The following S100A13 variants were observed in gnomAD, a reference collection of about 807,000 sequenced individuals.
S100A13 encodes the protein protein S100-A13.
In S100A13, 6 loss-of-function variants were observed where a neutral mutation model predicts 8.2. That is an observed-to-expected ratio of 0.73 (90% confidence interval 0.40 to 1.44). S100A13 has a LOEUF of 1.44. Ranked by LOEUF, S100A13 falls within the 40% of genes most tolerant of loss-of-function variation. S100A13 has a pLI of 0.02. For synonymous variants in S100A13, 39 were observed against 45.9 expected, an observed-to-expected ratio of 0.85 and a Z score of 0.61; for missense variants, 114 against 113.6, an observed-to-expected ratio of 1.00 and a Z score of -0.02.
chr1:153,632,042 C>A (rs917754425), upstream of S100A13: 4 of 609,372 alleles, frequency 6.6e-6, no homozygotes, highest in Admixed American at 3.0e-5. Context: ...ACCAGCCATC[C>A]GATGTCTGTC....
upstream of S100A13, chr1:153,632,076 G>A: frequency 1.8e-6 from 1 of 552,630 alleles, no homozygotes; most frequent in Non-Finnish European, 3.2e-6. Context: ...GGAAGTGGGT[G>A]GAGACGTGAA....
At chr1:153,623,362 C>T (rs1433393551) in intron 2 of S100A13, among the ~76,000 whole-genome samples, 2 of 151,598 alleles carry the variant, frequency 1.3e-5, no homozygotes. Flanking sequence ...ATACAAGTTT[C>T]CTGATTGCTC....
chr1:153,626,190 AAC>A, intron 2 of S100A13, 128 bp downstream of exon 2: 2 of 809,318 alleles, frequency 2.5e-6, no homozygotes, highest in Non-Finnish European at 2.0e-6. Context: ...GAAAACCTGC[AAC>A]CATTGACACA....
upstream of S100A13, chr1:153,631,466 G>A (rs764419020): frequency 1.3e-6 from 2 of 1,583,748 alleles, no homozygotes; most frequent in Non-Finnish European, 1.7e-6. Context: ...TTTATTATAG[G>A]CACTGAACAT....
At chr1:153,623,902 G>T (rs79283719) in intron 2 of S100A13, among the ~76,000 whole-genome samples, 1 of 152,170 alleles carries the variant, frequency 6.6e-6, no homozygotes, top group African/African-American at 2.4e-5. Context: ...AGTTACTATA[G>T]GTGAAATGGT....
intron 2 of S100A13, among the ~76,000 whole-genome samples, chr1:153,623,608 C>T (rs1439410474): frequency 2.0e-5 from 3 of 152,094 alleles, no homozygotes; most frequent in Non-Finnish European, 2.9e-5. Flanking sequence ...CCAGGCTGGT[C>T]TCGAAGTCCT....
chr1:153,619,657 A>C (rs567532619), intron 2 of S100A13, among the ~76,000 whole-genome samples: 2 of 152,338 alleles, frequency 1.3e-5, no homozygotes, highest in East Asian at 3.9e-4. Context: ...AGTAAACTGG[A>C]TGTCCTGATC....
At chr1:153,630,640 C>A (rs367888712), upstream of S100A13, 1 of 1,614,186 alleles carries the variant, frequency 6.2e-7, no homozygotes, top group Non-Finnish European at 8.5e-7. Context: ...CTGCTGCAGA[C>A]GGAGCTCTCT....
At chr1:153,630,254 C>T (rs1482907471), upstream of S100A13, 3 of 504,608 alleles carry the variant, frequency 5.9e-6, no homozygotes, top group African/African-American at 1.9e-5. Flanking sequence ...GCTCCAACTG[C>T]TCTCTCTCCA....
chr1:153,629,544 C>A (rs2101629982), upstream of S100A13: 1 of 152,466 alleles, frequency 6.6e-6, no homozygotes, highest in East Asian at 1.9e-4. Context: ...GCTTGGCAGT[C>A]TTCTCTCTCA....
At position 153,619,020 on chromosome 1, in the gene S100A13, C is replaced by A. The variant is rs571898991; in HGVS notation, c.172G>T (p.Glu58Ter). 6.2e-7 allele frequency: 1 copy of A among 1,613,992 alleles called. No individual in the cohort carries two copies. The highest frequency in any genetic ancestry group is 1.3e-5 in the African/African-American group (1 of 75,042). Residue 58 changes from glutamate to a stop codon, truncating the protein, a stop_gained, in exon 3 of 3, where the codon GAG becomes TAG. Transcript: ENST00000476133. LOFTEE classifies it high-confidence loss of function. ...TTCACATCCAAGCTCTTCATCTTCT[C>A]ATCAAGAGAGCCCACATCCTGAGGA... Reference protein sequence around the residue: ...HLLKDVGSLDEKMKSLDVNQD... With the variant: ...HLLKDVGSLD
upstream of S100A13, chr1:153,631,989 G>A (rs1159660676): frequency 7.5e-6 from 6 of 798,266 alleles, no homozygotes; most frequent in East Asian, 5.5e-5. Context: ...CAAGAGTAGC[G>A]GTCCAAGCCT....
intron 2 of S100A13, among the ~76,000 whole-genome samples, chr1:153,621,721 C>T (rs1270370008): frequency 6.6e-6 from 1 of 151,576 alleles, no homozygotes; most frequent in Non-Finnish European, 1.5e-5. Context: ...AACCCCATCT[C>T]TACTAAAAAT....
upstream of S100A13, chr1:153,631,428 C>T (rs1277551436): frequency 2.0e-6 from 3 of 1,524,868 alleles, no homozygotes; most frequent in East Asian, 4.9e-5. Context: ...TTAGACAGTG[C>T]TTGTAAAGCT....
upstream of S100A13, chr1:153,630,645 C>T (rs1187806207): frequency 1.2e-6 from 2 of 1,614,202 alleles, no homozygotes; most frequent in Admixed American, 3.3e-5. Context: ...GCAGACGGAG[C>T]TCTCTGGCTT....
At chr1:153,633,576 G>A (rs192964438), upstream of S100A13, among the ~76,000 whole-genome samples, 529 of 152,302 alleles carry the variant, frequency 3.5e-3, 1 homozygote, top group South Asian at 8.3e-3. Context: ...CAGGATGGGA[G>A]AGGAATTTGC....
At chr1:153,626,650 G>A (rs1667656915) in intron 1 of S100A13, 117 bp from the exon 2 acceptor site, 1 of 571,958 alleles carries the variant, frequency 1.7e-6, no homozygotes, top group Non-Finnish European at 3.1e-6. Context: ...GGGGGCATAT[G>A]GGGAAAGAGG....
chr1:153,628,332 G>A, upstream of S100A13: 28 of 1,526,098 alleles, frequency 1.8e-5, 1 homozygote, highest in South Asian at 3.1e-4. Flanking sequence ...TCTGCTCCTG[G>A]CCCCTTGCCC....
At chr1:153,632,821 T>C (rs796945788), upstream of S100A13, among the ~76,000 whole-genome samples, 7 of 152,260 alleles carry the variant, frequency 4.6e-5, no homozygotes, top group East Asian at 3.9e-4. Context: ...AGATGTGTCA[T>C]TCTCTCATTC....
Sources: allele counts gnomAD v4.1 joint callset (sites outside exome capture counted in the v4.1 genomes callset), GRCh38; gene constraint gnomAD v4.1.1; transcripts MANE v1.5; gene names NCBI Gene and HGNC (gene_info 2026-07-23, HGNC 2026-07-21).